Variants in WDR35 observed in about 807,000 individuals in gnomAD.
WDR35 encodes WD repeat-containing protein 35.
WDR35 carries 118 observed loss-of-function variants against 158.3 expected under a neutral mutation model. The ratio of observed to expected loss-of-function variants is 0.75; its 90% CI spans 0.64 to 0.87. The LOEUF (loss-of-function observed/expected upper bound fraction) is 0.87. Ranked by LOEUF, WDR35 falls within the 40% of genes least tolerant of loss-of-function variation. The probability of loss-of-function intolerance (pLI) is 0.00; values close to 1 mark genes in which losing one functional copy is unlikely to be tolerated. For synonymous variants in WDR35, 448 were observed against 476.1 expected (o/e 0.94, Z 0.77); for missense variants, 1,263 against 1,405.8 (o/e 0.90, Z 1.62).
intron 2 of WDR35, among the ~76,000 whole-genome samples, chr2:19,984,362 A>G (rs924586769): frequency 2.0e-5 from 3 of 152,224 alleles, no homozygotes; most frequent in Admixed American, 2.0e-4. Flanking sequence ...GAGTAAAGCC[A>G]GCGATAATAT....
chr2:19,989,384 C>A, intron 1 of WDR35, 102 bp from the exon 2 acceptor site: 1 of 1,089,874 alleles, frequency 9.2e-7, no homozygotes, highest in Non-Finnish European at 1.4e-6. Flanking sequence ...AGAAGAAAAA[C>A]GAACGGCCTT....
chr2:19,913,856 C>A lies in WDR35; in HGVS notation c.3363-148G>T, dbSNP rs1669909013. The A allele has an allele frequency of 2.8e-6, 4 of 1,413,710 alleles. No homozygotes were observed. The African/African-American group carries it at 5.8e-5, about 21-fold the overall frequency. 87.6% of individuals were successfully genotyped at this position (1,413,710 alleles called of 1,614,324 possible). On this transcript the variant is annotated intron_variant, in intron 26 of 26. Coordinates refer to ENST00000281405, the MANE Select transcript of WDR35 (RefSeq NM_020779.4). ...TTAAAAAAGTTATTTCAAGAAAAAA[C>A]CTTTCTTACAATGACAAAATAAAGC...
intron 10 of WDR35, among the ~76,000 whole-genome samples, chr2:19,966,374 T>A (rs1671853130): frequency 6.6e-6 from 1 of 152,228 alleles, no homozygotes; most frequent in African/African-American, 2.4e-5. Context: ...CATTGCTGCA[T>A]AATTTCTTCA....
intron 5 of WDR35, 122 bp from the exon 6 acceptor site, chr2:19,975,785 AT>A: frequency 1.5e-6 from 2 of 1,316,474 alleles, no homozygotes; most frequent in Non-Finnish European, 2.1e-6. Context: ...CATTCAATTT[AT>A]TTGGCCAATA....
chr2:19,989,872 C>A, intron 1 of WDR35, 120 bp downstream of exon 1: 1 of 1,504,076 alleles, frequency 6.6e-7, no homozygotes, highest in Middle Eastern at 1.7e-4. Flanking sequence ...AGGATGGCTG[C>A]GGAATGGCGA....
At chr2:19,989,352 G>T (rs753966940) in intron 1 of WDR35, 70 bp from the exon 2 acceptor site, 14 of 1,318,812 alleles carry the variant, frequency 1.1e-5, no homozygotes, top group African/African-American at 1.4e-5. Context: ...TGCAGGAGAT[G>T]AAAGCTGAAG....
intron 24 of WDR35, among the ~76,000 whole-genome samples, chr2:19,930,894 T>C (rs1378395700): frequency 1.3e-5 from 2 of 152,202 alleles, no homozygotes; most frequent in Non-Finnish European, 2.9e-5. Context: ...GAATAAATTT[T>C]AAAATATAAC....
chr2:19,915,387 G>T (rs1669958182), intron 25 of WDR35, among the ~76,000 whole-genome samples: 1 of 151,412 alleles, frequency 6.6e-6, no homozygotes, highest in African/African-American at 2.4e-5. Flanking sequence ...ATAGGTTCAA[G>T]GGTAATAATT....
In WDR35 at chr2:19,951,417, G is replaced by A; in HGVS notation, c.1468C>T (p.Gln490Ter). 6.2e-7 allele frequency: 1 copy of A among 1,607,682 alleles called. No homozygotes were observed. Among genetic ancestry groups the A allele is most frequent in the Non-Finnish European group, 8.5e-7 (1 of 1,176,176 alleles). The part of the protein sequence containing the change: ...DGVLDYSKTI[Q>*]GTRDPICAIT... ...CTGGAAAAATTAAAATCACCTACTT[G>A]AATGGTTTTACTATAATCAAGCACA... Residue 490 changes from glutamine to a stop codon, truncating the protein, a stop_gained and splice_region_variant, in exon 13 of 27, where the codon CAA (glutamine) becomes TAA (stop). Coordinates refer to ENST00000281405, the MANE Select transcript of WDR35 (RefSeq NM_020779.4). LOFTEE classifies it high-confidence loss of function.
At chr2:19,925,147 C>T (rs923998897) in intron 25 of WDR35, among the ~76,000 whole-genome samples, 3 of 152,086 alleles carry the variant, frequency 2.0e-5, no homozygotes, top group Non-Finnish European at 4.4e-5. Flanking sequence ...GGGGAACCCC[C>T]GCAAAGGGTC....
At chr2:19,951,533 TATTTCA>T in intron 12 of WDR35, 49 bp from the exon 13 acceptor site, 2 of 1,395,020 alleles carry the variant, frequency 1.4e-6, no homozygotes, top group Non-Finnish European at 2.0e-6. Flanking sequence ...TAGTTTATAC[TATTTCA>T]TAATCTCTAG....
chr2:19,923,383 G>A (rs1458246225), intron 25 of WDR35, among the ~76,000 whole-genome samples: 3 of 152,202 alleles, frequency 2.0e-5, no homozygotes, highest in African/African-American at 7.2e-5. Flanking sequence ...TGAGTAAGAA[G>A]GGGAGCTCGG....
chr2:19,918,661 T>C (rs916376118), intron 25 of WDR35, among the ~76,000 whole-genome samples: 2 of 152,190 alleles, frequency 1.3e-5, no homozygotes, highest in Non-Finnish European at 2.9e-5. Flanking sequence ...GGGCATTACA[T>C]AATGTTAAAG....
intron 6 of WDR35, 26 bp from the exon 7 acceptor site, chr2:19,974,659 A>G (rs1325520363): frequency 1.1e-5 from 17 of 1,598,204 alleles, no homozygotes; most frequent in Non-Finnish European, 1.5e-5. Context: ...TAGGTTTAAT[A>G]TTTTACATTT....
At chr2:19,966,622 T>C in intron 10 of WDR35, 102 bp downstream of exon 10, 1 of 1,366,932 alleles carries the variant, frequency 7.3e-7, no homozygotes, top group Non-Finnish European at 1.0e-6. Flanking sequence ...AGACCCAATG[T>C]TTTGATGTAC....
rs759627736 is a variant in WDR35, at chr2:19,953,934, A to G, written c.1300T>C (p.Ser434Pro). Residue 434 changes from serine (S) to proline (P), a missense_variant, in exon 12 of 27, where the codon TCG becomes CCG. Physicochemically the swap from Ser to Pro is moderately conservative, Grantham distance 74 (BLOSUM62 -1). Coordinates refer to ENST00000281405, the MANE Select transcript of WDR35 (RefSeq NM_020779.4). Reference protein sequence around the residue: ...AMTKTHVIAASKEAFYTWQYR... With the variant: ...AMTKTHVIAAPKEAFYTWQYR... ...TGCCAGGTATAAAATGCTTCTTTCG[A>G]GGCTGCTATCACATGGGTTTTGGTC... The G allele has an allele frequency of 6.2e-7, 1 of 1,614,156 alleles. No homozygotes were observed. Among genetic ancestry groups the G allele is most frequent in the Non-Finnish European group, 8.5e-7 (1 of 1,180,012 alleles).
chr2:19,932,191 T>A, intron 23 of WDR35, 92 bp downstream of exon 23: 1 of 1,532,386 alleles, frequency 6.5e-7, no homozygotes, highest in South Asian at 1.2e-5. Context: ...TAATAAATAT[T>A]TGTTTCCAAA....
At chr2:19,916,600 C>T (rs1669998799) in intron 25 of WDR35, among the ~76,000 whole-genome samples, 1 of 152,184 alleles carries the variant, frequency 6.6e-6, no homozygotes, top group African/African-American at 2.4e-5. Flanking sequence ...GTTTCACCCT[C>T]ACAGTGTAAA....
chr2:19,945,674 C>T (rs965972280), intron 16 of WDR35, 112 bp downstream of exon 16: 10 of 1,133,354 alleles, frequency 8.8e-6, no homozygotes, highest in South Asian at 2.6e-5. Flanking sequence ...TTCATGCAGC[C>T]GTGTTGGCAC....
Sources: allele counts gnomAD v4.1 joint callset (sites outside exome capture counted in the v4.1 genomes callset), GRCh38; gene constraint gnomAD v4.1.1; transcripts MANE v1.5; gene names NCBI Gene and HGNC (gene_info 2026-07-23, HGNC 2026-07-21).